DPP6: variants seen among roughly 807,000 people sequenced by gnomAD.
DPP6 encodes the protein A-type potassium channel modulatory protein DPP6.
DPP6 carries 69 observed loss-of-function variants against 122.6 expected under a neutral mutation model. That is an observed-to-expected ratio of 0.56 (90% CI 0.46 to 0.69). DPP6 has a LOEUF of 0.69. Among genes scored for constraint, DPP6 ranks in the 30% least tolerant of loss-of-function variants. The pLI is 0.00. For synonymous variants in DPP6, 418 were observed against 433.1 expected (o/e 0.97, Z 0.43); for missense variants, 928 against 1,116.9 (o/e 0.83, Z 2.41).
At chr7:153,774,842 G>C in the DPP6 span, among the ~76,000 whole-genome samples, 1 of 151,994 alleles carries the variant, frequency 6.6e-6, no homozygotes, top group African/African-American at 2.4e-5. Context: ...ATATGCACCC[G>C]CAATCCTAGC....
chr7:154,559,605 G>A (rs1830278897), intron 4 of DPP6, among the ~76,000 whole-genome samples: 2 of 152,190 alleles, frequency 1.3e-5, no homozygotes, highest in African/African-American at 4.8e-5. Context: ...AGCCAAAGGA[G>A]CGAGACGTGT....
At chr7:154,648,631 C>T (rs1002506514) in intron 6 of DPP6, among the ~76,000 whole-genome samples, 1 of 152,042 alleles carries the variant, frequency 6.6e-6, no homozygotes, top group Non-Finnish European at 1.5e-5. Context: ...ATAAAAATCA[C>T]GCTTTCGGCC....
intron 1 of DPP6, among the ~76,000 whole-genome samples, chr7:154,040,684 CAT>C (rs1472168951): frequency 6.6e-6 from 1 of 152,124 alleles, no homozygotes; most frequent in African/African-American, 2.4e-5. Flanking sequence ...AAAGCAATAT[CAT>C]GTGTGCTGAA....
At chr7:154,153,579 C>G (rs931470939) in intron 1 of DPP6, among the ~76,000 whole-genome samples, 10 of 152,142 alleles carry the variant, frequency 6.6e-5, no homozygotes, top group African/African-American at 2.4e-4. Flanking sequence ...AGCTGACAGC[C>G]AATACACCTG....
Position 153,918,456 on chromosome 7 carries a change from ACACACACACACT to A in DPP6, c.51+30724_51+30735del, listed in dbSNP as rs1224250551. ...CACACACACACACACACACACACAC[ACACACACACACT>A]CTCTCTCTCTCTCTCTCTCTCTTTT... On this transcript the variant is annotated intron_variant, in intron 1 of 25. Transcript: ENST00000404039. Among the ~76,000 whole-genome samples, 301 of 104,338 alleles carry A rather than the reference ACACACACACACT, an allele frequency of 2.9e-3. 7 individuals carry two copies. The highest frequency in any genetic ancestry group is 7.4e-3 in the African/African-American group (228 of 31,010). The allele number at this position is 104,338 out of a possible 152,430, so 68.4% of individuals were successfully genotyped here.
intron 11 of DPP6, among the ~76,000 whole-genome samples, chr7:154,795,158 T>A (rs1460335721): frequency 1.3e-5 from 2 of 152,104 alleles, no homozygotes; most frequent in Non-Finnish European, 2.9e-5. Flanking sequence ...CTCCAACTTC[T>A]CCATGCCCCT....
At position 154,760,016 on chromosome 7, in the gene DPP6, G is replaced by T. The variant is rs1461058125; in HGVS notation, c.884-9401G>T. Among the ~76,000 whole-genome samples, 1 of 152,100 alleles carries T rather than the reference G, an allele frequency of 6.6e-6. No homozygotes were observed. The highest frequency in any genetic ancestry group is 1.5e-5 in the Non-Finnish European group (1 of 68,026). On this transcript the variant is annotated intron_variant, in intron 8 of 25. Transcript: ENST00000377770. The surrounding 1 kb of genome is among the most constrained non-coding windows in gnomAD (Gnocchi z 4.5). ...TGCACACCTGTAGTCCCAGCTACTCGGGAGGCCGAGGCAGAAGAATCACTT... is the reference window on the plus strand; with the variant it reads ...TGCACACCTGTAGTCCCAGCTACTCTGGAGGCCGAGGCAGAAGAATCACTT...
intron 1 of DPP6, among the ~76,000 whole-genome samples, chr7:154,396,963 CTT>C (rs974482206): frequency 6.6e-6 from 1 of 152,032 alleles, no homozygotes; most frequent in South Asian, 2.1e-4. Flanking sequence ...AAAAAGTACT[CTT>C]TTTTTGCAGA....
At chr7:154,690,652 A>T (rs1401201774) in intron 7 of DPP6, among the ~76,000 whole-genome samples, 1 of 152,090 alleles carries the variant, frequency 6.6e-6, no homozygotes, top group Non-Finnish European at 1.5e-5. Context: ...AGGCAGCAAG[A>T]GTTGGACATA....
chr7:154,809,246 C>CT (rs59038264), intron 16 of DPP6, among the ~76,000 whole-genome samples: 14 of 149,842 alleles, frequency 9.3e-5, no homozygotes, highest in African/African-American at 3.2e-4. Flanking sequence ...TACAGGGTTT[C>CT]TTTTTTTAAA....
intron 4 of DPP6, among the ~76,000 whole-genome samples, chr7:154,562,281 G>C (rs188217144): frequency 6.6e-6 from 1 of 152,068 alleles, no homozygotes; most frequent in Non-Finnish European, 1.5e-5. Context: ...TGCAAGGTTG[G>C]TTTAACATTA....
intron 1 of DPP6, among the ~76,000 whole-genome samples, chr7:154,254,282 A>G (rs1344591860): frequency 6.6e-6 from 1 of 152,178 alleles, no homozygotes; most frequent in Non-Finnish European, 1.5e-5. Context: ...CTTGAAGTTG[A>G]AAATTTCTTT....
chr7:153,868,292 T>C, the DPP6 span, among the ~76,000 whole-genome samples: 1 of 152,168 alleles, frequency 6.6e-6, no homozygotes, highest in Non-Finnish European at 1.5e-5. Flanking sequence ...GGACTTTTTT[T>C]GGTTGGTAAG....
intron 1 of DPP6, among the ~76,000 whole-genome samples, chr7:153,958,054 C>T (rs1387482004): frequency 1.3e-5 from 2 of 152,066 alleles, no homozygotes; most frequent in African/African-American, 4.8e-5. Context: ...ATCCCAGCTA[C>T]CCAGGAGGCT....
chr7:154,384,902 A>T (rs1236777954), intron 1 of DPP6, among the ~76,000 whole-genome samples: 1 of 152,082 alleles, frequency 6.6e-6, no homozygotes, highest in African/African-American at 2.4e-5. Context: ...ATATAGCTCT[A>T]AAGGAAATTG....
intron 1 of DPP6, among the ~76,000 whole-genome samples, chr7:153,888,476 C>G (rs78847523): frequency 0.052 from 7,946 of 152,258 alleles, 352 homozygotes; most frequent in African/African-American, 0.12. Context: ...ACCCGCCTCG[C>G]CGCTCCCCGC....
the DPP6 span, among the ~76,000 whole-genome samples, chr7:153,760,628 A>G: frequency 1.3e-5 from 2 of 152,144 alleles, no homozygotes; most frequent in Admixed American, 1.3e-4. Flanking sequence ...ATAATTAACT[A>G]TGATTATAAT....
At chr7:154,540,733 C>A in intron 4 of DPP6, 107 bp downstream of exon 4, 2 of 665,690 alleles carry the variant, frequency 3.0e-6, no homozygotes, top group Non-Finnish European at 5.0e-6. Flanking sequence ...CAAGGAGAAG[C>A]AATAAACTTG....
At chr7:153,810,999 A>G in the DPP6 span, among the ~76,000 whole-genome samples, 4 of 151,910 alleles carry the variant, frequency 2.6e-5, no homozygotes, top group Non-Finnish European at 4.4e-5. Flanking sequence ...CTGGAATTTA[A>G]CACACAGCGG....
Sources: gnomAD v4.1 joint callset for allele counts (sites outside exome capture counted in the v4.1 genomes callset) on GRCh38, gnomAD v4.1.1 for gene constraint, Gnocchi (gnomAD v3.1) non-coding constraint, MANE v1.5 for transcripts, NCBI Gene and HGNC (gene_info 2026-07-23, HGNC 2026-07-21) for gene names.